Variants in TLL1 observed in about 807,000 individuals in gnomAD.
The protein encoded by TLL1 is tolloid-like protein 1.
Under a neutral mutation model 128.2 loss-of-function variants are expected in TLL1, and 49 were observed. The ratio of observed to expected loss-of-function variants is 0.38; its 90% CI spans 0.30 to 0.48. The LOEUF (loss-of-function observed/expected upper bound fraction) is 0.48, where lower values mean the gene tolerates loss of function less well. Among genes scored for constraint, TLL1 ranks in the 20% least tolerant of loss-of-function variants. The probability of loss-of-function intolerance (pLI) is 0.96; values close to 1 mark genes in which losing one functional copy is unlikely to be tolerated. For synonymous variants in TLL1, 454 were observed against 418.8 expected, an observed-to-expected ratio of 1.08 and a Z score of -1.03; for missense variants, 1,123 against 1,242.0, an observed-to-expected ratio of 0.90 and a Z score of 1.44.
intron 5 of TLL1, among the ~76,000 whole-genome samples, chr4:165,996,406 C>T (rs1417493250): frequency 6.6e-6 from 1 of 152,032 alleles, no homozygotes. Context: ...GTCAGGAGTT[C>T]GAGACCAGTC....
chr4:165,965,322 C>T (rs1735314560), intron 1 of TLL1, among the ~76,000 whole-genome samples: 1 of 152,110 alleles, frequency 6.6e-6, no homozygotes, highest in Non-Finnish European at 1.5e-5. Context: ...TGTCAACACC[C>T]CTTTACTCTA....
chr4:166,025,938 A>T (rs1301692490), intron 9 of TLL1, among the ~76,000 whole-genome samples: 1 of 152,164 alleles, frequency 6.6e-6, no homozygotes, highest in Non-Finnish European at 1.5e-5. Context: ...TAATGAGCCT[A>T]GACGACCATA....
intron 1 of TLL1, among the ~76,000 whole-genome samples, chr4:165,941,946 A>C (rs746303982): frequency 6.6e-6 from 1 of 151,982 alleles, no homozygotes; most frequent in African/African-American, 2.4e-5. Flanking sequence ...CAAATGATTC[A>C]ATGTGTAAGG....
intron 8 of TLL1, among the ~76,000 whole-genome samples, chr4:166,019,466 C>T (rs1175926063): frequency 2.0e-5 from 3 of 152,008 alleles, no homozygotes; most frequent in Non-Finnish European, 4.4e-5. Flanking sequence ...GCAAATGAAG[C>T]CAATAAAATA....
chr4:165,985,963 T>C (rs552881287), intron 1 of TLL1, among the ~76,000 whole-genome samples: 1 of 152,012 alleles, frequency 6.6e-6, no homozygotes, highest in African/African-American at 2.4e-5. Context: ...AGATAGTAAA[T>C]ATTCTAATTG....
intron 12 of TLL1, among the ~76,000 whole-genome samples, chr4:166,046,387 T>A (rs192222973): frequency 1.8e-4 from 27 of 152,276 alleles, no homozygotes; most frequent in African/African-American, 6.0e-4. Flanking sequence ...TCACAGGATT[T>A]AAAGGTGCCT....
At chr4:166,034,008 A>G (rs1375326310) in intron 9 of TLL1, among the ~76,000 whole-genome samples, 1 of 152,138 alleles carries the variant, frequency 6.6e-6, no homozygotes, top group Non-Finnish European at 1.5e-5. Flanking sequence ...ACACATATGG[A>G]GTGAATTCGC....
At chr4:165,938,105 T>C (rs1404209793) in intron 1 of TLL1, among the ~76,000 whole-genome samples, 2 of 152,050 alleles carry the variant, frequency 1.3e-5, no homozygotes, top group Admixed American at 6.5e-5. Context: ...CAGTTTGATA[T>C]GTACTTTAGA....
At position 165,994,497 on chromosome 4, in the gene TLL1, G is replaced by A. The variant is rs1736777428; in HGVS notation, c.478G>A (p.Gly160Ser). ...TSRTERIWPG[G>S]VIPYVIGGNF... The stretch of plus-strand genomic sequence containing the variant: ...AAGAACGGAAAGAATATGGCCTGGA[G>A]GCGTTATTCCTTATGTTATAGGAGG... Residue 160 changes from glycine (G) to serine (S), a missense_variant, in exon 4 of 21, where the codon GGC (glycine) becomes AGC (serine). Around this residue, in one of 3 missense-constraint regions of TLL1, gnomAD observed 480 missense variants for 542.4 expected, o/e 0.89. Coordinates refer to ENST00000061240, the MANE Select transcript of TLL1 (RefSeq NM_012464.5). The A allele has an allele frequency of 1.2e-6, 2 of 1,613,980 alleles. No individual in the cohort carries two copies. The highest frequency in any genetic ancestry group is 1.3e-5 in the African/African-American group (1 of 75,030).
At chr4:166,057,854 C>A (rs1740104167) in intron 14 of TLL1, among the ~76,000 whole-genome samples, 1 of 152,154 alleles carries the variant, frequency 6.6e-6, no homozygotes, top group Non-Finnish European at 1.5e-5. Flanking sequence ...ATTCAGTTAC[C>A]TCCCACCAGG....
chr4:166,044,327 C>T (rs1467506668), intron 12 of TLL1: 1 of 1,522,876 alleles, frequency 6.6e-7, no homozygotes, highest in African/African-American at 1.4e-5. Context: ...TTACTGAGGG[C>T]AGTGACCGTG....
chr4:165,895,633 TAAAAAA>T (rs57920393), intron 1 of TLL1, among the ~76,000 whole-genome samples: 25 of 68,446 alleles, frequency 3.7e-4, no homozygotes, highest in African/African-American at 2.4e-3. Flanking sequence ...AGACTTTTTG[TAAAAAA>T]AAAAAAAAAA....
At chr4:165,927,861 C>G (rs890718326) in intron 1 of TLL1, among the ~76,000 whole-genome samples, 1 of 152,182 alleles carries the variant, frequency 6.6e-6, no homozygotes, top group South Asian at 2.1e-4. Flanking sequence ...AGGTTGAGAC[C>G]TCTTTGTTCT....
At chr4:165,882,544 G>T (rs1731007345) in intron 1 of TLL1, among the ~76,000 whole-genome samples, 1 of 152,106 alleles carries the variant, frequency 6.6e-6, no homozygotes, top group Non-Finnish European at 1.5e-5. Flanking sequence ...ACCAGGGTCA[G>T]AATAATTGGG....
intron 1 of TLL1, among the ~76,000 whole-genome samples, chr4:165,902,533 GGGAGTT>G (rs1442634106): frequency 6.6e-6 from 1 of 152,098 alleles, no homozygotes; most frequent in African/African-American, 2.4e-5. Flanking sequence ...GGCTAGGGGA[GGGAGTT>G]CCCTGACTCC....
Position 166,003,501 on chromosome 4 carries a change from T to G in TLL1, c.743T>G (p.Phe248Cys). ...VVHELGHVIG[F>C]WHEHTRPDRD... ...CATGAATTGGGTCATGTGATAGGCT[T>G]TTGGCATGAACACACAAGACCAGAT... Residue 248 changes from phenylalanine (F) to cysteine (C), a missense_variant, in exon 6 of 21, where the codon TTT becomes TGT. Around this residue, in one of 3 missense-constraint regions of TLL1, gnomAD observed 480 missense variants for 542.4 expected, o/e 0.89. Transcript: ENST00000061240. 6.2e-7 allele frequency: 1 copy of G among 1,614,050 alleles called. No homozygotes were observed. The highest frequency in any genetic ancestry group is 1.1e-5 in the South Asian group (1 of 91,086).
At chr4:165,874,094 G>A in intron 1 of TLL1, 21 bp downstream of exon 1, 3 of 1,613,846 alleles carry the variant, frequency 1.9e-6, no homozygotes, top group Non-Finnish European at 8.5e-7. Flanking sequence ...CTCCAGGTTG[G>A]GACGGTGGCG....
At chr4:165,989,042 C>G (rs566585211) in intron 1 of TLL1, among the ~76,000 whole-genome samples, 4 of 152,118 alleles carry the variant, frequency 2.6e-5, no homozygotes, top group Non-Finnish European at 2.9e-5. Context: ...ACAGAAGATG[C>G]AGACATTCTT....
chr4:166,035,136 TA>T (rs1738942289), intron 9 of TLL1, among the ~76,000 whole-genome samples: 1 of 152,136 alleles, frequency 6.6e-6, no homozygotes, highest in Non-Finnish European at 1.5e-5. Flanking sequence ...GCGAGAGGTG[TA>T]AAAAATGTTC....
Sources: allele counts gnomAD v4.1 joint callset (sites outside exome capture counted in the v4.1 genomes callset), GRCh38; gene constraint gnomAD v4.1.1; regional missense constraint gnomAD v4.1.1; transcripts MANE v1.5; gene names NCBI Gene and HGNC (gene_info 2026-07-23, HGNC 2026-07-21).